CNTN4: variants seen among roughly 807,000 people sequenced by gnomAD.
The protein encoded by CNTN4 is contactin 4.
In CNTN4, 77 loss-of-function variants were observed where a neutral mutation model predicts 122.5. The observed-to-expected ratio is 0.63, with a 90% CI of 0.52 to 0.76. The LOEUF (loss-of-function observed/expected upper bound fraction) is 0.76. Ranked by LOEUF, CNTN4 falls within the 30% of genes least tolerant of loss-of-function variation. The pLI, the probability that CNTN4 is intolerant of heterozygous loss-of-function variation, is 0.00. For synonymous variants in CNTN4, 512 were observed against 447.0 expected (o/e 1.15, Z -1.83); for missense variants, 1,256 against 1,259.1 (o/e 1.00, Z 0.04).
intron 4 of CNTN4, among the ~76,000 whole-genome samples, chr3:2,727,353 C>T (rs2088303585): frequency 6.6e-6 from 1 of 152,184 alleles, no homozygotes; most frequent in Admixed American, 6.5e-5. Flanking sequence ...AGTCTCCCAT[C>T]AGTTCCCATC....
chr3:2,511,031 C>A (rs1447083490), intron 3 of CNTN4, among the ~76,000 whole-genome samples: 1 of 152,066 alleles, frequency 6.6e-6, no homozygotes, highest in Non-Finnish European at 1.5e-5. Context: ...CCAGTGTCCC[C>A]AAAGACTGAC....
intron 3 of CNTN4, among the ~76,000 whole-genome samples, chr3:2,352,916 G>T (rs968757403): frequency 3.3e-5 from 5 of 152,138 alleles, no homozygotes; most frequent in African/African-American, 1.2e-4. Context: ...TCTAGCTGAA[G>T]GTTTGTAAAT....
intron 23 of CNTN4, among the ~76,000 whole-genome samples, chr3:3,049,560 T>C (rs1053551674): frequency 2.0e-5 from 3 of 152,208 alleles, no homozygotes; most frequent in African/African-American, 2.4e-5. Flanking sequence ...ACTTGGTGCT[T>C]CTGCCTACCA....
intron 2 of CNTN4, among the ~76,000 whole-genome samples, chr3:2,206,541 C>G (rs1047109772): frequency 6.6e-6 from 1 of 151,920 alleles, no homozygotes; most frequent in African/African-American, 2.4e-5. Context: ...TTTGGTTTTT[C>G]TTTGAACAAT....
intron 13 of CNTN4, 78 bp downstream of exon 13, chr3:2,925,857 A>G: frequency 7.8e-7 from 1 of 1,278,082 alleles, no homozygotes; most frequent in Non-Finnish European, 1.1e-6. Context: ...TCTAAGGGGA[A>G]GGTGGGGTGA....
intron 3 of CNTN4, among the ~76,000 whole-genome samples, chr3:2,534,400 A>G (rs1185747275): frequency 6.6e-6 from 1 of 152,146 alleles, no homozygotes; most frequent in Non-Finnish European, 1.5e-5. Context: ...AGGTTTGTCA[A>G]AGATGTGTGG....
At chr3:2,461,151 A>G (rs529869521) in intron 3 of CNTN4, among the ~76,000 whole-genome samples, 2 of 152,236 alleles carry the variant, frequency 1.3e-5, no homozygotes, top group African/African-American at 2.4e-5. Context: ...TGTATCCATG[A>G]TTATATAAAC....
chr3:2,838,199 A>T (rs980297865), intron 7 of CNTN4, among the ~76,000 whole-genome samples: 5 of 152,234 alleles, frequency 3.3e-5, no homozygotes, highest in African/African-American at 1.2e-4. Flanking sequence ...CTTAAAGTAC[A>T]TAAGCTTTCG....
At chr3:3,028,930 A>T (rs1235341683) in intron 15 of CNTN4, among the ~76,000 whole-genome samples, 2 of 152,144 alleles carry the variant, frequency 1.3e-5, no homozygotes, top group Non-Finnish European at 2.9e-5. Context: ...TATATGGAAG[A>T]CTGACTTGTC....
At chr3:2,199,190 G>C (rs548187984) in intron 2 of CNTN4, among the ~76,000 whole-genome samples, 1 of 152,262 alleles carries the variant, frequency 6.6e-6, no homozygotes, top group East Asian at 1.9e-4. Flanking sequence ...AATACATATT[G>C]AACTATGCAT....
intron 7 of CNTN4, among the ~76,000 whole-genome samples, chr3:2,865,485 A>G (rs368738798): frequency 2.6e-5 from 4 of 152,214 alleles, no homozygotes; most frequent in Non-Finnish European, 4.4e-5. Context: ...ACTTTAGCTC[A>G]GGATCATATG....
At chr3:2,116,320 C>A (rs13062336) in intron 2 of CNTN4, among the ~76,000 whole-genome samples, 24,144 of 152,080 alleles carry the variant, frequency 0.16, 2,498 homozygotes, top group Admixed American at 0.29. Flanking sequence ...CAGCTCCAAT[C>A]CATCATTCCT....
At chr3:2,305,962 TACTTC>T (rs1575327581) in intron 2 of CNTN4, among the ~76,000 whole-genome samples, 1 of 152,218 alleles carries the variant, frequency 6.6e-6, no homozygotes, top group Non-Finnish European at 1.5e-5. Context: ...CATGTATCAG[TACTTC>T]ACTTATTTTT....
At position 2,504,462 on chromosome 3, in the gene CNTN4, G is replaced by A. The variant is rs115186357; in HGVS notation, c.-88-66954G>A. On this transcript the variant is annotated intron_variant, in intron 3 of 24. Transcript: ENST00000418658. ...TTCTCATTTTGTGTGAGAGGGTTGA[G>A]TGAGTGGGTGGGACCCTTTAAGAAA... 4.1e-3 allele frequency among the ~76,000 whole-genome samples: 631 copies of A among 152,280 alleles called. 4 individuals are homozygous for A. Among genetic ancestry groups the A allele is most frequent in the Non-Finnish European group, 5.0e-3 (338 of 67,996 alleles).
intron 14 of CNTN4, among the ~76,000 whole-genome samples, chr3:3,003,704 A>AAAC (rs1696289563): frequency 4.3e-5 from 6 of 139,974 alleles, no homozygotes; most frequent in Admixed American, 7.3e-5. Flanking sequence ...AAAAAAAAAA[A>AAAC]AAAAAAAAAA....
intron 3 of CNTN4, among the ~76,000 whole-genome samples, chr3:2,502,664 G>C (rs752256657): frequency 1.1e-4 from 16 of 151,984 alleles, no homozygotes; most frequent in African/African-American, 3.6e-4. Flanking sequence ...CAGCATTTTC[G>C]TGGCTGTAAA....
At chr3:2,298,944 G>A (rs2042407237) in intron 2 of CNTN4, among the ~76,000 whole-genome samples, 1 of 152,084 alleles carries the variant, frequency 6.6e-6, no homozygotes, top group Admixed American at 6.5e-5. Flanking sequence ...AAAGCATCTT[G>A]TTCATAAAAT....
intron 4 of CNTN4, among the ~76,000 whole-genome samples, chr3:2,608,707 T>G (rs183728596): frequency 4.8e-5 from 6 of 124,974 alleles, no homozygotes; most frequent in South Asian, 4.5e-4. Context: ...GATCTCGAAC[T>G]CCTGACCTCG....
chr3:2,723,823 T>C (rs999940063), intron 4 of CNTN4, among the ~76,000 whole-genome samples: 16 of 152,178 alleles, frequency 1.1e-4, no homozygotes, highest in Non-Finnish European at 2.2e-4. Context: ...TAGTGTATCA[T>C]AATGCCAGTA....
Sources: allele counts gnomAD v4.1 joint callset (sites outside exome capture counted in the v4.1 genomes callset), GRCh38; gene constraint gnomAD v4.1.1; transcripts MANE v1.5; gene names NCBI Gene and HGNC (gene_info 2026-07-23, HGNC 2026-07-21).